Variants in GALNT10 observed in about 807,000 individuals in gnomAD.
The protein encoded by GALNT10 is polypeptide N-acetylgalactosaminyltransferase 10, also known as GalNAc transferase 10.
GALNT10 carries 41 observed loss-of-function variants against 75.0 expected under a neutral mutation model. The ratio of observed to expected loss-of-function variants is 0.55; its 90% CI spans 0.43 to 0.71. The LOEUF (loss-of-function observed/expected upper bound fraction) is 0.71. Ranked by LOEUF, GALNT10 falls within the 30% of genes least tolerant of loss-of-function variation. GALNT10 has a pLI of 0.00. For missense variants in GALNT10, 727 were observed against 818.5 expected, an observed-to-expected ratio of 0.89 and a Z score of 1.36; for synonymous variants, 302 against 313.0, an observed-to-expected ratio of 0.96 and a Z score of 0.37.
intron 4 of GALNT10, among the ~76,000 whole-genome samples, chr5:154,342,263 CAGA>C (rs1170757207): frequency 1.3e-5 from 2 of 152,170 alleles, no homozygotes; most frequent in Non-Finnish European, 2.9e-5. Flanking sequence ...CTGATTTTCA[CAGA>C]AGGAGAGAAC....
At chr5:154,338,268 A>T (rs1238839160) in intron 4 of GALNT10, 1 of 688,574 alleles carries the variant, frequency 1.5e-6, no homozygotes, top group African/African-American at 1.8e-5. Flanking sequence ...CAGCCCCTGG[A>T]GTGCTTGGTG....
rs775961390 is a variant in GALNT10, at chr5:154,298,356, C to T, written c.401+277C>T. Among the ~76,000 whole-genome samples, 42 of 151,860 alleles carry T rather than the reference C, an allele frequency of 2.8e-4. No homozygotes were observed. Among genetic ancestry groups the T allele is most frequent in the Non-Finnish European group, 5.3e-4 (36 of 67,940 alleles). On this transcript the variant is annotated intron_variant, in intron 3 of 11. Coordinates refer to ENST00000297107, the MANE Select transcript of GALNT10 (RefSeq NM_198321.4). This position sits in a 1 kb window ranked among gnomAD's most constrained non-coding sequence, Gnocchi z 4.1. The stretch of plus-strand genomic sequence containing the variant: ...AGGGAAGTTCAGACCCCAGTGTAGA[C>T]GACAAGTTGTCATGCAGTTTTTAAC...
chr5:154,337,839 C>T, intron 4 of GALNT10: 1 of 1,033,246 alleles, frequency 9.7e-7, no homozygotes, highest in South Asian at 1.3e-5. Context: ...TCCAGAGCCA[C>T]TTCAGCCTCT....
intron 4 of GALNT10, among the ~76,000 whole-genome samples, chr5:154,335,289 A>C (rs1167552304): frequency 2.6e-5 from 4 of 152,214 alleles, no homozygotes; most frequent in Non-Finnish European, 5.9e-5. Flanking sequence ...AGAGGAATCA[A>C]ATAGGCTTCC....
At chr5:154,383,633 G>A (rs934036454) in intron 6 of GALNT10, among the ~76,000 whole-genome samples, 3 of 152,072 alleles carry the variant, frequency 2.0e-5, no homozygotes, top group South Asian at 2.1e-4. Context: ...CCTCAGCCCC[G>A]GCCCCTGCTT....
At chr5:154,346,844 G>A (rs1300092359) in intron 4 of GALNT10, among the ~76,000 whole-genome samples, 1 of 151,988 alleles carries the variant, frequency 6.6e-6, no homozygotes, top group Non-Finnish European at 1.5e-5. Flanking sequence ...TAACCTCTCT[G>A]TGCCTGATTG....
chr5:154,191,424 T>TCCC (rs1774856377), intron 1 of GALNT10, among the ~76,000 whole-genome samples: 1 of 65,846 alleles, frequency 1.5e-5, no homozygotes, highest in African/African-American at 6.8e-5. Context: ...CCTCTCTGCT[T>TCCC]CCCTCCTCCC....
chr5:154,267,808 T>C (rs549197172), intron 1 of GALNT10, among the ~76,000 whole-genome samples: 32 of 152,290 alleles, frequency 2.1e-4, no homozygotes, highest in African/African-American at 7.2e-4. Context: ...CTTGCAAGAA[T>C]TTAAGCATCC....
In GALNT10 at chr5:154,402,170, C is replaced by G. The variant is rs886284483; in HGVS notation, c.1057-1934C>G. Among the ~76,000 whole-genome samples the G allele has an allele frequency of 6.6e-6, 1 of 152,174 alleles. No homozygotes were observed. The highest frequency in any genetic ancestry group is 1.5e-5 in the Non-Finnish European group (1 of 68,022). On this transcript the variant is annotated intron_variant, in intron 7 of 11. Transcript: ENST00000297107. The surrounding 1 kb of genome is among the most constrained non-coding windows in gnomAD (Gnocchi z 4.2). ...CACTGAAGACCTTCTGTGAAGACTC[C>G]TTGTTCTGCCCCGTGAGGGCCCTGC...
At chr5:154,332,335 C>T (rs1754880042) in intron 4 of GALNT10, among the ~76,000 whole-genome samples, 1 of 152,164 alleles carries the variant, frequency 6.6e-6, no homozygotes, top group South Asian at 2.1e-4. Context: ...GGGCTGCGCT[C>T]ACTTTCTCAC....
Position 154,419,068 on chromosome 5 carries a change from G to C in GALNT10, c.*2096G>C, listed in dbSNP as rs1756577580. The stretch of plus-strand genomic sequence containing the variant: ...AGTGCCTTGCTAGACAAACATAAAG[G>C]GGCAGGGTTGTGGGGAGGGGAACGT... On this transcript the variant is annotated 3_prime_UTR_variant, in exon 12 of 12. Coordinates refer to ENST00000297107, the MANE Select transcript of GALNT10 (RefSeq NM_198321.4). 1 of 152,302 alleles carries C rather than the reference G, an allele frequency of 6.6e-6. No individual in the cohort carries two copies. The highest frequency in any genetic ancestry group is 2.1e-4 in the South Asian group (1 of 4,796). The allele number at this position is 152,302 out of a possible 1,614,324, so 9.4% of individuals were successfully genotyped here.
intron 1 of GALNT10, among the ~76,000 whole-genome samples, chr5:154,192,263 C>T (rs1203842708): frequency 1.3e-5 from 2 of 152,232 alleles, no homozygotes; most frequent in Non-Finnish European, 2.9e-5. Context: ...ATTTGAGCTC[C>T]GCCTGTAACT....
chr5:154,404,696 A>G (rs1335952808), intron 8 of GALNT10, among the ~76,000 whole-genome samples: 1 of 152,214 alleles, frequency 6.6e-6, no homozygotes, highest in African/African-American at 2.4e-5. Flanking sequence ...AGGTGATGTA[A>G]AAAAACATGT....
chr5:154,288,275 G>A (rs1276332863), intron 1 of GALNT10, among the ~76,000 whole-genome samples: 1 of 152,148 alleles, frequency 6.6e-6, no homozygotes. Flanking sequence ...GCAGTCTTGG[G>A]ATTAGAGTAT....
intron 4 of GALNT10, among the ~76,000 whole-genome samples, chr5:154,368,035 G>A (rs1198515874): frequency 6.6e-6 from 1 of 152,218 alleles, no homozygotes; most frequent in Non-Finnish European, 1.5e-5. Flanking sequence ...TGTCACACCA[G>A]TGATCTGATC....
intron 7 of GALNT10, among the ~76,000 whole-genome samples, chr5:154,398,944 G>GGTT (rs1240502846): frequency 6.6e-6 from 1 of 152,198 alleles, no homozygotes; most frequent in Non-Finnish European, 1.5e-5. Context: ...GGGTGGTGGT[G>GGTT]TTTCTCGTCC....
At chr5:154,374,110 T>C (rs1467506201) in intron 4 of GALNT10, among the ~76,000 whole-genome samples, 1 of 152,198 alleles carries the variant, frequency 6.6e-6, no homozygotes, top group African/African-American at 2.4e-5. Context: ...ATTTGGAGTG[T>C]GATCATGCCT....
chr5:154,243,024 G>A (rs1273317705), intron 1 of GALNT10, among the ~76,000 whole-genome samples: 1 of 152,144 alleles, frequency 6.6e-6, no homozygotes, highest in African/African-American at 2.4e-5. Flanking sequence ...AGCAGATCTG[G>A]GTTCACATTA....
At chr5:154,281,235 T>C (rs1014933740) in intron 1 of GALNT10, among the ~76,000 whole-genome samples, 3 of 152,246 alleles carry the variant, frequency 2.0e-5, no homozygotes, top group African/African-American at 7.2e-5. Flanking sequence ...TTGATTTCTG[T>C]AGCAGTGTTT....
Sources: allele counts gnomAD v4.1 joint callset (sites outside exome capture counted in the v4.1 genomes callset), GRCh38; gene constraint gnomAD v4.1.1; non-coding constraint Gnocchi (gnomAD v3.1); transcripts MANE v1.5; gene names NCBI Gene and HGNC (gene_info 2026-07-23, HGNC 2026-07-21).